Variants in APC observed in about 807,000 individuals in gnomAD.
APC encodes adenomatous polyposis coli protein.
A neutral mutation model predicts 247.0 loss-of-function variants in APC; 72 were observed. That is an observed-to-expected ratio of 0.29 (90% CI 0.24 to 0.35). APC has a LOEUF of 0.35. Among genes scored for constraint, APC ranks in the 10% least tolerant of loss-of-function variants. The pLI is 1.00. For missense variants in APC, 3,400 were observed against 3,360.7 expected, an observed-to-expected ratio of 1.01 and a Z score of -0.29; for synonymous variants, 1,254 against 1,162.5, an observed-to-expected ratio of 1.08 and a Z score of -1.60.
intron 1 of APC, among the ~76,000 whole-genome samples, chr5:112,716,274 C>A (rs924321369): frequency 6.6e-6 from 1 of 152,038 alleles, no homozygotes; most frequent in Non-Finnish European, 1.5e-5. Context: ...TTTTTTGGTA[C>A]ATAGTATTTT....
chr5:112,712,160 T>A (rs1750889934), intron 1 of APC, among the ~76,000 whole-genome samples: 1 of 152,182 alleles, frequency 6.6e-6, no homozygotes, highest in Non-Finnish European at 1.5e-5. Flanking sequence ...AAGTAACCAG[T>A]GTCCTCAAGG....
In APC at chr5:112,814,245, A is replaced by G. The variant is rs13184364; in HGVS notation, c.835-1250A>G. Reference sequence around the variant, plus strand: ...TAATGAATGGATTTAGCTGTGGCCTATATTTTGATAGGTCCCAGTTATTTA... The same window carrying G: ...TAATGAATGGATTTAGCTGTGGCCTGTATTTTGATAGGTCCCAGTTATTTA... On this transcript the variant is annotated intron_variant, in intron 8 of 15. Transcript: ENST00000257430. 7.0e-3 allele frequency among the ~76,000 whole-genome samples: 1,062 copies of G among 152,284 alleles called. 4 individuals carry two copies. Among genetic ancestry groups the G allele is most frequent in the Non-Finnish European group, 0.011 (736 of 68,024 alleles).
rs900981308 is a variant in APC, at chr5:112,844,259, T to A, written c.*133T>A. The A allele has an allele frequency of 1.2e-6, 1 of 842,080 alleles. No homozygotes were observed. The highest frequency in any genetic ancestry group is 1.8e-6 in the Non-Finnish European group (1 of 548,436). 52.2% of individuals were successfully genotyped at this position (842,080 alleles called of 1,614,324 possible). The stretch of plus-strand genomic sequence containing the variant: ...TTGATTCTTGTTAGAGGGTTTTTGT[T>A]CTGGAAGCCATATTTGATAGTATAC... On this transcript the variant is annotated 3_prime_UTR_variant, in exon 16 of 16. Coordinates refer to ENST00000257430, the MANE Select transcript of APC (RefSeq NM_000038.6).
At chr5:112,827,322 C>T (rs2149811168) in intron 12 of APC, 75 bp downstream of exon 12, 4 of 1,547,158 alleles carry the variant, frequency 2.6e-6, no homozygotes, top group Non-Finnish European at 3.6e-6. Context: ...ATACATTTTA[C>T]TGATTTTCTT....
chr5:112,778,094 C>A, intron 5 of APC: 1 of 208,326 alleles, frequency 4.8e-6, no homozygotes, highest in South Asian at 9.3e-5. Context: ...GTACATTTTC[C>A]ATCACAGATT....
In APC at chr5:112,828,924, A is replaced by G. The variant is rs77921116; in HGVS notation, c.1695A>G (p.Glu565=). ...ADVNSKKTLR[E]VGSVKALMEC... ...TAAATAGTAAAAAGACGTTGCGAGA[A>G]GTTGGAAGTGTGAAAGCATTGATGG... The change falls in exon 14 of 16, where the codon GAA becomes GAG. Residue 565 remains glutamate (E), a synonymous_variant. Transcript: ENST00000257430. 1.9e-3 allele frequency: 3,142 copies of G among 1,613,928 alleles called. 57 individuals are homozygous for G. The African/African-American group carries it at 0.036, about 18-fold the overall frequency.
intron 1 of APC, among the ~76,000 whole-genome samples, chr5:112,720,045 A>G (rs1273509664): frequency 1.3e-5 from 2 of 152,270 alleles, no homozygotes; most frequent in Non-Finnish European, 2.9e-5. Flanking sequence ...AAACAGATAC[A>G]TTAGAAATTC....
Position 112,844,165 on chromosome 5 carries a change from T to TTTTG in APC, c.*40_*41insTTGT, listed in dbSNP as rs777947547. On this transcript the variant is annotated 3_prime_UTR_variant, in exon 16 of 16. Coordinates refer to ENST00000257430, the MANE Select transcript of APC (RefSeq NM_000038.6). ...TGAAACTAAGAAAATTCTATGTTAA[T>TTTTG]TACAACTGCTATATAGACATTTTGT... The TTTTG allele has an allele frequency of 6.5e-7, 1 of 1,536,292 alleles. No individual in the cohort carries two copies. The highest frequency in any genetic ancestry group is 9.0e-7 in the Non-Finnish European group (1 of 1,112,362).
chr5:112,732,136 C>T (rs541873245), intron 1 of APC, among the ~76,000 whole-genome samples: 4 of 152,232 alleles, frequency 2.6e-5, no homozygotes, highest in East Asian at 3.9e-4. Context: ...TGCAAGATAC[C>T]GGGAAAGCTT....
At chr5:112,726,666 C>T (rs1751800025) in intron 1 of APC, among the ~76,000 whole-genome samples, 1 of 152,026 alleles carries the variant, frequency 6.6e-6, no homozygotes, top group African/African-American at 2.4e-5. Context: ...GGAGAGCTAC[C>T]CTCCTCTACC....
At position 112,820,293 on chromosome 5, in the gene APC, C is replaced by A. The variant is rs574574592; in HGVS notation, c.1312+949C>A. Among the ~76,000 whole-genome samples the A allele has an allele frequency of 2.0e-5, 3 of 151,642 alleles. No individual in the cohort carries two copies. In the East Asian group the frequency reaches 5.8e-4, roughly 29 times the overall value. On this transcript the variant is annotated intron_variant, in intron 10 of 15. Transcript: ENST00000257430. ...AGATGATACAAACATGACTTATGAA[C>A]CTATAGCAGATTTTTTTAAGCTTAG...
At chr5:112,812,064 A>C (rs1369456384) in intron 8 of APC, among the ~76,000 whole-genome samples, 2 of 152,200 alleles carry the variant, frequency 1.3e-5, no homozygotes, top group Non-Finnish European at 2.9e-5. Flanking sequence ...CGCTTCCCTC[A>C]GAGGGAACAA....
chr5:112,762,425 G>A (rs527536069), intron 2 of APC, among the ~76,000 whole-genome samples: 8 of 152,206 alleles, frequency 5.3e-5, no homozygotes, highest in African/African-American at 1.7e-4. Flanking sequence ...CTGCAGACTG[G>A]TAACAGCCCA....
intron 1 of APC, among the ~76,000 whole-genome samples, chr5:112,717,908 C>CTTTTTCTTTTTT (rs1751264440): frequency 1.5e-4 from 6 of 40,634 alleles, no homozygotes; most frequent in Non-Finnish European, 2.3e-4. Context: ...TTTTCTTTTT[C>CTTTTTCTTTTTT]TTTTTTTTTT....
At chr5:112,717,477 A>G (rs1404118795) in intron 1 of APC, among the ~76,000 whole-genome samples, 2 of 152,146 alleles carry the variant, frequency 1.3e-5, no homozygotes, top group Non-Finnish European at 2.9e-5. Flanking sequence ...AGGATCTGAA[A>G]CACACCCTTT....
chr5:112,833,417 G>C (rs1279719813), intron 14 of APC, among the ~76,000 whole-genome samples: 1 of 151,868 alleles, frequency 6.6e-6, no homozygotes, highest in African/African-American at 2.4e-5. Context: ...TCCTGACCTC[G>C]TGATCCGTGC....
At position 112,767,224 on chromosome 5, in the gene APC, A is replaced by G; in HGVS notation, c.256A>G (p.Lys86Glu). ...AGATAGCAGTAATTTCCCTGGAGTA[A>G]AACTGCGGTCAAAAATGTCCCTCCG... ...NLDSSNFPGV[K>E]LRSKMSLRSY... The change falls in exon 4 of 16, where the codon AAA (lysine) becomes GAA (glutamate). Residue 86 changes from lysine to glutamate, a missense_variant. Coordinates refer to ENST00000257430, the MANE Select transcript of APC (RefSeq NM_000038.6). 1 of 1,614,186 alleles carries G rather than the reference A, an allele frequency of 6.2e-7. No individual in the cohort carries two copies. Among genetic ancestry groups the G allele is most frequent in the Non-Finnish European group, 8.5e-7 (1 of 1,180,030 alleles).
At chr5:112,765,417 A>G (rs1561460663) in intron 2 of APC, among the ~76,000 whole-genome samples, 2 of 152,136 alleles carry the variant, frequency 1.3e-5, no homozygotes, top group Admixed American at 1.3e-4. Flanking sequence ...AATGCTTACA[A>G]TGTCACTGTC....
intron 1 of APC, among the ~76,000 whole-genome samples, chr5:112,753,525 T>A: frequency 6.6e-6 from 1 of 152,212 alleles, no homozygotes. Context: ...GGGCAAAGAT[T>A]AAATCATGAC....
Sources: allele counts gnomAD v4.1 joint callset (sites outside exome capture counted in the v4.1 genomes callset), GRCh38; gene constraint gnomAD v4.1.1; transcripts MANE v1.5; gene names NCBI Gene and HGNC (gene_info 2026-07-23, HGNC 2026-07-21).